BAHCC1: variants seen among roughly 807,000 people sequenced by gnomAD.
BAHCC1 encodes the protein BAH and coiled-coil domain-containing protein 1.
In BAHCC1, 43 loss-of-function variants were observed where a neutral mutation model predicts 88.2. The observed-to-expected ratio is 0.49, with a 90% CI of 0.38 to 0.63. The LOEUF (loss-of-function observed/expected upper bound fraction) is 0.63, where lower values mean the gene tolerates loss of function less well. Ranked by LOEUF, BAHCC1 falls within the 20% of genes least tolerant of loss-of-function variation. The probability of loss-of-function intolerance (pLI) is 0.00; values close to 1 mark genes in which losing one functional copy is unlikely to be tolerated. For synonymous variants in BAHCC1, 1,510 were observed against 745.5 expected (o/e 2.03, Z -16.71); for missense variants, 3,023 against 1,654.8 (o/e 1.83, Z -14.34).
At chr17:81,463,528 G>T (rs1385353480) in intron 27 of BAHCC1, 83 bp from the exon 28 acceptor site, 5 of 751,300 alleles carry the variant, frequency 6.7e-6, no homozygotes, top group Non-Finnish European at 1.2e-5. Flanking sequence ...TACAGAGCAT[G>T]GGTGGGCGGG....
At chr17:81,413,587 G>A (rs1050369347) in intron 2 of BAHCC1, among the ~76,000 whole-genome samples, 2 of 152,250 alleles carry the variant, frequency 1.3e-5, no homozygotes, top group African/African-American at 4.8e-5. Flanking sequence ...GCACCTGTGG[G>A]AGGTCCGTTC....
intron 11 of BAHCC1, among the ~76,000 whole-genome samples, chr17:81,449,572 G>A (rs2064595187): frequency 6.6e-6 from 1 of 152,172 alleles, no homozygotes; most frequent in Non-Finnish European, 1.5e-5. Flanking sequence ...AGGCACAGAG[G>A]GGCTTCTGGC....
At chr17:81,427,302 G>T (rs1369591529) in intron 3 of BAHCC1, among the ~76,000 whole-genome samples, 1 of 152,172 alleles carries the variant, frequency 6.6e-6, no homozygotes, top group African/African-American at 2.4e-5. Flanking sequence ...GGCCGGGCTG[G>T]GCTCACCCTC....
rs1364742426 is a variant in BAHCC1, at chr17:81,434,012, G to A, written c.359-4358G>A. Among the ~76,000 whole-genome samples, 3 of 152,198 alleles carry A rather than the reference G, an allele frequency of 2.0e-5. No homozygotes were observed. Among genetic ancestry groups the A allele is most frequent in the Non-Finnish European group, 4.4e-5 (3 of 68,026 alleles). ...CACGGCAGGGACGTCCTGCGTGACAGGGACGATGTGCAGAACCTCAAGAGG... is the reference window on the plus strand; with the variant it reads ...CACGGCAGGGACGTCCTGCGTGACAAGGACGATGTGCAGAACCTCAAGAGG... On this transcript the variant is annotated intron_variant, in intron 3 of 27. Coordinates refer to ENST00000675386, the MANE Select transcript of BAHCC1 (RefSeq NM_001377448.1). This position sits in a 1 kb window ranked among gnomAD's most constrained non-coding sequence, Gnocchi z 4.9.
intron 5 of BAHCC1, 121 bp downstream of exon 5, chr17:81,443,685 A>G (rs1450737965): frequency 4.7e-6 from 3 of 641,366 alleles, no homozygotes; most frequent in Non-Finnish European, 5.7e-6. Context: ...CCGAGGCCCC[A>G]GGACCAGGGG....
chr17:81,422,350 TAC>T (rs1380082978), intron 2 of BAHCC1, among the ~76,000 whole-genome samples: 3 of 152,118 alleles, frequency 2.0e-5, no homozygotes, highest in Non-Finnish European at 1.5e-5. Flanking sequence ...ATGGTGAAAA[TAC>T]AAAGACATAA....
Position 81,456,545 on chromosome 17 carries a change from G to C in BAHCC1, c.4818G>C (p.Arg1606Ser), listed in dbSNP as rs2064753416. Residue 1606 changes from arginine (R) to serine (S), a missense_variant, in exon 16 of 28, where the codon AGG becomes AGC. Coordinates refer to ENST00000675386, the MANE Select transcript of BAHCC1 (RefSeq NM_001377448.1). Reference protein sequence around the residue: ...PKGHGSRETPRCPAQPSVAAS... With the variant: ...PKGHGSRETPSCPAQPSVAAS... ...GCCACGGCAGCCGGGAGACACCCAGGTGCCCAGCCCAGCCCTCCGTGGCTG... is the reference window on the plus strand; with the variant it reads ...GCCACGGCAGCCGGGAGACACCCAGCTGCCCAGCCCAGCCCTCCGTGGCTG... The C allele has an allele frequency of 1.4e-6, 1 of 715,100 alleles. No homozygotes were observed. The highest frequency in any genetic ancestry group is 2.6e-6 in the Non-Finnish European group (1 of 384,290). 44.3% of individuals were successfully genotyped at this position (715,100 alleles called of 1,614,324 possible).
At chr17:81,457,620 T>C (rs781833785) in intron 17 of BAHCC1, 28 bp downstream of exon 17, 1 of 678,034 alleles carries the variant, frequency 1.5e-6, no homozygotes, top group Non-Finnish European at 2.7e-6. Flanking sequence ...CAGGGGTTGC[T>C]AGGTAACCAG....
rs1567989377 is a variant in BAHCC1 at position 81,399,148 on chromosome 17, T to TGTGTGCGA, written c.-206-378_-206-371dup. The TGTGTGCGA allele has an allele frequency of 5.3e-6, 2 of 374,032 alleles. No individual in the cohort carries two copies. The highest frequency in any genetic ancestry group is 1.1e-5 in the Non-Finnish European group (2 of 185,608). The allele number at this position is 374,032 out of a possible 1,614,324, so 23.2% of individuals were successfully genotyped here. On this transcript the variant is annotated intron_variant, in intron 1 of 27. Transcript: ENST00000675386. This position sits in a 1 kb window ranked among gnomAD's most constrained non-coding sequence, Gnocchi z 4.5. ...GTGTGAGTGTGTGTGTGTGTGTGTG[T>TGTGTGCGA]GTGTGCGAGTGTGCGTGATGGCTTC...
Position 81,463,980 on chromosome 17 carries a change from C to G in BAHCC1, c.*163C>G, listed in dbSNP as rs568883172. ...AGACCCAGGCTTTCTTACGGTTTTC[C>G]CTGGAAAGAGCGCTCCAGGTGTCGG... On this transcript the variant is annotated 3_prime_UTR_variant, in exon 28 of 28. Coordinates refer to ENST00000675386, the MANE Select transcript of BAHCC1 (RefSeq NM_001377448.1). The G allele has an allele frequency of 3.3e-5, 20 of 612,642 alleles. No homozygotes were observed. The highest frequency in any genetic ancestry group is 5.5e-5 in the Non-Finnish European group (19 of 342,508). The allele number at this position is 612,642 out of a possible 1,614,324, so 38.0% of individuals were successfully genotyped here.
intron 11 of BAHCC1, among the ~76,000 whole-genome samples, chr17:81,450,477 G>A (rs1395128286): frequency 6.6e-6 from 1 of 152,188 alleles, no homozygotes; most frequent in Non-Finnish European, 1.5e-5. Flanking sequence ...CGCTGTTCCT[G>A]CGGTCACTGT....
At chr17:81,397,388 T>C (rs1243065802) in intron 1 of BAHCC1, among the ~76,000 whole-genome samples, 1 of 138,488 alleles carries the variant, frequency 7.2e-6, no homozygotes, top group Non-Finnish European at 1.6e-5. Flanking sequence ...AAATTTCTTA[T>C]TGGAGAGAAA....
Position 81,459,510 on chromosome 17 carries a change from G to A in BAHCC1, c.5811G>A (p.Arg1937=). 1.3e-6 allele frequency: 1 copy of A among 779,354 alleles called. No individual in the cohort carries two copies. Among genetic ancestry groups the A allele is most frequent in the Non-Finnish European group, 2.4e-6 (1 of 417,848 alleles). 48.3% of individuals were successfully genotyped at this position (779,354 alleles called of 1,614,324 possible). Residue 1937 remains arginine (R), a synonymous_variant, in exon 23 of 28, where the codon CGG becomes CGA. Transcript: ENST00000675386. ...CGTTCCTGCAGGTTCTCGATGTGCG[G>A]CCACAGTCCAGCCGGTACCTCCCGC... ...QLLQEAVLDV[R]PQSSRYLPPG...
intron 2 of BAHCC1, among the ~76,000 whole-genome samples, chr17:81,414,489 C>T (rs1555648303): frequency 6.6e-6 from 1 of 152,190 alleles, no homozygotes; most frequent in African/African-American, 2.4e-5. Context: ...CCGTCTGGGC[C>T]CCAAACCCCC....
At chr17:81,403,295 C>T (rs1006522085) in intron 2 of BAHCC1, among the ~76,000 whole-genome samples, 4 of 152,262 alleles carry the variant, frequency 2.6e-5, no homozygotes, top group Middle Eastern at 3.4e-3. Flanking sequence ...ATCTTGGTTT[C>T]AATAATCTGC....
At chr17:81,408,387 C>T (rs1178891553) in intron 2 of BAHCC1, among the ~76,000 whole-genome samples, 3 of 151,914 alleles carry the variant, frequency 2.0e-5, no homozygotes, top group South Asian at 2.1e-4. Flanking sequence ...CAGGCCCCAC[C>T]TGCCTCCCAC....
chr17:81,426,118 GT>G (rs2064193685), intron 2 of BAHCC1, among the ~76,000 whole-genome samples: 14,864 of 125,308 alleles, frequency 0.12, 4 homozygotes, highest in Non-Finnish European at 0.14. Context: ...GATGTGGTTG[GT>G]GGTGATAGTG....
chr17:81,397,487 GC>G (rs2063758305), intron 1 of BAHCC1, among the ~76,000 whole-genome samples: 1 of 151,828 alleles, frequency 6.6e-6, no homozygotes, highest in Non-Finnish European at 1.5e-5. Flanking sequence ...CGCGTGCGCA[GC>G]CCCCGGCCCC....
chr17:81,452,084 C>A lies in BAHCC1; in HGVS notation c.4293C>A (p.Arg1431=), dbSNP rs1054106889. Residue 1431 remains arginine (R), a synonymous_variant, in exon 13 of 28, where the codon CGC becomes CGA. Transcript: ENST00000675386. ...RYKEKQRELA[R]LQRKHDHERD... is the part of the protein sequence containing the mutation. ...AGGAGAAGCAGCGGGAGCTGGCCCGCCTGCAGCGCAAGCACGACCATGAGT... is the reference window on the plus strand; with the variant it reads ...AGGAGAAGCAGCGGGAGCTGGCCCGACTGCAGCGCAAGCACGACCATGAGT... The A allele has an allele frequency of 1.6e-6, 1 of 635,504 alleles. No homozygotes were observed. The highest frequency in any genetic ancestry group is 1.9e-5 in the African/African-American group (1 of 53,216). The allele number at this position is 635,504 out of a possible 1,614,324, so 39.4% of individuals were successfully genotyped here.
Sources: gnomAD v4.1 joint callset for allele counts (sites outside exome capture counted in the v4.1 genomes callset) on GRCh38, gnomAD v4.1.1 for gene constraint, Gnocchi (gnomAD v3.1) non-coding constraint, MANE v1.5 for transcripts, NCBI Gene and HGNC (gene_info 2026-07-23, HGNC 2026-07-21) for gene names.